The following CTNNBL1 variants were observed in gnomAD, a reference collection of about 807,000 sequenced individuals.
The protein encoded by CTNNBL1 is beta-catenin-like protein 1.
CTNNBL1 carries 31 observed loss-of-function variants against 72.7 expected under a neutral mutation model. The observed-to-expected ratio is 0.43, with a 90% confidence interval of 0.32 to 0.58. CTNNBL1 has a LOEUF of 0.58. CTNNBL1 is among the 20% of genes least tolerant of loss of function. CTNNBL1 has a pLI of 0.08. For missense variants in CTNNBL1, 534 were observed against 725.1 expected, an observed-to-expected ratio of 0.74 and a Z score of 3.03; for synonymous variants, 240 against 267.3, an observed-to-expected ratio of 0.90 and a Z score of 1.00.
At chr20:37,800,544 C>A (rs959938205) in intron 10 of CTNNBL1, among the ~76,000 whole-genome samples, 5 of 152,136 alleles carry the variant, frequency 3.3e-5, no homozygotes, top group Non-Finnish European at 5.9e-5. Context: ...CTAAAGTATT[C>A]CCTGCTTGTG....
rs143536710 is a variant in CTNNBL1, at chr20:37,698,945, C to T, written c.30+4793C>T. 1.4e-4 allele frequency among the ~76,000 whole-genome samples: 21 copies of T among 152,182 alleles called. No homozygotes were observed. The East Asian group carries it at 4.0e-3, about 29-fold the overall frequency. On this transcript the variant is annotated intron_variant, in intron 1 of 15. Transcript: ENST00000361383. ...TCTGTGGTCCCAGCTACTTAGGAGG[C>T]TGAGGAGGGAGGATTACTTGAGCCT...
chr20:37,846,309 G>A (rs190223439), intron 13 of CTNNBL1, among the ~76,000 whole-genome samples: 2 of 152,242 alleles, frequency 1.3e-5, no homozygotes, highest in Non-Finnish European at 2.9e-5. Flanking sequence ...AAGTGAAGGG[G>A]GAGAGAAGAG....
chr20:37,799,352 C>G (rs968250367), intron 10 of CTNNBL1, among the ~76,000 whole-genome samples: 15 of 152,272 alleles, frequency 9.9e-5, no homozygotes, highest in African/African-American at 3.4e-4. Context: ...CCGTGTTCCT[C>G]GCCGCCTCTC....
At chr20:37,794,555 C>T (rs1469789013) in intron 10 of CTNNBL1, among the ~76,000 whole-genome samples, 1 of 152,134 alleles carries the variant, frequency 6.6e-6, no homozygotes, top group Non-Finnish European at 1.5e-5. Context: ...TGCAGTGGTG[C>T]GATCTTGGCT....
intron 10 of CTNNBL1, among the ~76,000 whole-genome samples, chr20:37,796,975 A>G (rs535073496): frequency 1.3e-5 from 2 of 152,248 alleles, no homozygotes; most frequent in South Asian, 2.1e-4. Flanking sequence ...TGGGGGTGAT[A>G]TGGGTAGTGA....
intron 2 of CTNNBL1, among the ~76,000 whole-genome samples, chr20:37,737,108 C>T (rs575505767): frequency 6.6e-6 from 1 of 152,198 alleles, no homozygotes; most frequent in East Asian, 1.9e-4. Flanking sequence ...CCTGTAGTCC[C>T]AGCTACTCGG....
chr20:37,730,585 T>A (rs2073120075), intron 1 of CTNNBL1, among the ~76,000 whole-genome samples: 1 of 152,254 alleles, frequency 6.6e-6, no homozygotes, highest in African/African-American at 2.4e-5. Context: ...TGGGCAGTGC[T>A]GTGTCTCTTC....
intron 6 of CTNNBL1, among the ~76,000 whole-genome samples, 195 bp from the exon 7 acceptor site, chr20:37,767,757 AG>A (rs2122667233): frequency 6.6e-6 from 1 of 152,286 alleles, no homozygotes; most frequent in East Asian, 1.9e-4. Context: ...TTCAGTTATG[AG>A]TTTTACCTGT....
At chr20:37,763,323 CA>C (rs1432841713) in intron 5 of CTNNBL1, among the ~76,000 whole-genome samples, 2 of 152,128 alleles carry the variant, frequency 1.3e-5, no homozygotes, top group Admixed American at 6.5e-5. Context: ...GATTTGAGAG[CA>C]AGATTGTGTA....
At chr20:37,783,992 A>G (rs2073649639) in intron 10 of CTNNBL1, among the ~76,000 whole-genome samples, 1 of 152,118 alleles carries the variant, frequency 6.6e-6, no homozygotes, top group African/African-American at 2.4e-5. Flanking sequence ...CTCTCCCTTT[A>G]GCTCTAATAA....
intron 10 of CTNNBL1, among the ~76,000 whole-genome samples, chr20:37,784,373 A>G (rs1296595114): frequency 6.6e-6 from 1 of 151,982 alleles, no homozygotes. Context: ...ATAAGTAAGG[A>G]CTTAATCCTG....
At chr20:37,730,396 T>G (rs529342754) in intron 1 of CTNNBL1, among the ~76,000 whole-genome samples, 1 of 152,322 alleles carries the variant, frequency 6.6e-6, no homozygotes, top group East Asian at 1.9e-4. Flanking sequence ...CAGTGATGAT[T>G]TTATGTATTT....
At chr20:37,774,983 A>G (rs913939813) in intron 7 of CTNNBL1, among the ~76,000 whole-genome samples, 1 of 152,124 alleles carries the variant, frequency 6.6e-6, no homozygotes, top group African/African-American at 2.4e-5. Flanking sequence ...GAGGAAACTG[A>G]GACTGAGAAT....
At chr20:37,703,593 T>C (rs6020339) in intron 1 of CTNNBL1, among the ~76,000 whole-genome samples, 73,860 of 151,986 alleles carry the variant, frequency 0.49, 20,253 homozygotes, top group African/African-American at 0.75. Context: ...CCCTGATTAA[T>C]GTTTCGTGTG....
chr20:37,733,355 G>A (rs1463972191), intron 2 of CTNNBL1, among the ~76,000 whole-genome samples: 4 of 152,168 alleles, frequency 2.6e-5, no homozygotes, highest in Admixed American at 6.5e-5. Flanking sequence ...GAAGGCACTT[G>A]CATTATTATC....
At chr20:37,702,160 C>T (rs566345391) in intron 1 of CTNNBL1, among the ~76,000 whole-genome samples, 18 of 152,164 alleles carry the variant, frequency 1.2e-4, no homozygotes, top group Admixed American at 2.6e-4. Context: ...GGATTACAAG[C>T]GTGAGCCACT....
At chr20:37,821,188 C>T (rs912099884) in intron 11 of CTNNBL1, among the ~76,000 whole-genome samples, 1 of 152,160 alleles carries the variant, frequency 6.6e-6, no homozygotes. Context: ...CTACTTCCTC[C>T]TTGAAGCCTC....
chr20:37,850,753 C>T (rs1453643497), intron 13 of CTNNBL1, among the ~76,000 whole-genome samples: 1 of 152,200 alleles, frequency 6.6e-6, no homozygotes, highest in African/African-American at 2.4e-5. Flanking sequence ...AAGAAAGAAA[C>T]TAGCATTTTC....
intron 10 of CTNNBL1, among the ~76,000 whole-genome samples, chr20:37,792,038 G>A (rs1470260331): frequency 6.6e-6 from 1 of 151,954 alleles, no homozygotes; most frequent in African/African-American, 2.4e-5. Flanking sequence ...TTTTTCTGTT[G>A]GTGTCATTGA....
Sources: gnomAD v4.1 joint callset for allele counts (sites outside exome capture counted in the v4.1 genomes callset) on GRCh38, gnomAD v4.1.1 for gene constraint, MANE v1.5 for transcripts, NCBI Gene and HGNC (gene_info 2026-07-23, HGNC 2026-07-21) for gene names.